Variants in HPCAL1 observed in about 807,000 individuals in gnomAD.
The protein encoded by HPCAL1 is hippocalcin like 1, also known as hippocalcin-like protein 1.
HPCAL1 carries 8 observed loss-of-function variants against 17.1 expected under a neutral mutation model. The observed-to-expected ratio is 0.47, with a 90% CI of 0.27 to 0.84. The LOEUF is 0.84. Among genes scored for constraint, HPCAL1 ranks in the 40% least tolerant of loss-of-function variants. HPCAL1 has a pLI of 0.13. For synonymous variants in HPCAL1, 112 were observed against 111.4 expected (o/e 1.01, Z -0.03); for missense variants, 165 against 271.1 (o/e 0.61, Z 2.75).
intron 1 of HPCAL1, among the ~76,000 whole-genome samples, chr2:10,348,642 G>T (rs1665628981): frequency 6.6e-6 from 1 of 151,778 alleles, no homozygotes; most frequent in South Asian, 2.1e-4. Flanking sequence ...AGCCAGGCAG[G>T]GTGATGTGCA....
chr2:10,385,534 A>G (rs1259528351), intron 1 of HPCAL1, among the ~76,000 whole-genome samples: 1 of 151,952 alleles, frequency 6.6e-6, no homozygotes, highest in East Asian at 1.9e-4. Context: ...TTTTTCATCC[A>G]ATGTGCTGGG....
intron 3 of HPCAL1, among the ~76,000 whole-genome samples, chr2:10,420,519 C>A (rs986796414): frequency 6.6e-6 from 1 of 151,876 alleles, no homozygotes; most frequent in Non-Finnish European, 1.5e-5. Context: ...TATGTTCACT[C>A]GACATTGGGT....
intron 1 of HPCAL1, among the ~76,000 whole-genome samples, chr2:10,345,894 G>A (rs1421296933): frequency 2.6e-5 from 4 of 152,188 alleles, no homozygotes; most frequent in Non-Finnish European, 5.9e-5. Flanking sequence ...AAAGGGGCAA[G>A]GACTGCGAAC....
At chr2:10,413,065 A>G (rs1572851363) in intron 2 of HPCAL1, among the ~76,000 whole-genome samples, 1 of 152,260 alleles carries the variant, frequency 6.6e-6, no homozygotes, top group East Asian at 1.9e-4. Context: ...AGGTCTTGGC[A>G]TCAGACTTTG....
intron 1 of HPCAL1, among the ~76,000 whole-genome samples, chr2:10,320,055 G>A (rs1663573545): frequency 6.6e-6 from 1 of 152,062 alleles, no homozygotes; most frequent in Non-Finnish European, 1.5e-5. Context: ...CCCCTTTGCA[G>A]CTCCCAGTCT....
chr2:10,343,105 C>T lies in HPCAL1; in HGVS notation c.-111+39928C>T, dbSNP rs982223207. On this transcript the variant is annotated intron_variant, in intron 1 of 4. Coordinates refer to ENST00000307845, the MANE Select transcript of HPCAL1 (RefSeq NM_002149.4). This position sits in a 1 kb window ranked among gnomAD's most constrained non-coding sequence, Gnocchi z 4.8. ...GGCCCTGTGTGTTTCCAAGTGGGCC[C>T]GCAGCTCTGATGTGCAGTGGGTATG... Among the ~76,000 whole-genome samples, 1 of 152,136 alleles carries T rather than the reference C, an allele frequency of 6.6e-6. No individual in the cohort carries two copies. Among genetic ancestry groups the T allele is most frequent in the South Asian group, 2.1e-4 (1 of 4,828 alleles).
chr2:10,355,230 T>A (rs1487621680), intron 1 of HPCAL1, among the ~76,000 whole-genome samples: 1 of 151,622 alleles, frequency 6.6e-6, no homozygotes, highest in Admixed American at 6.6e-5. Flanking sequence ...GGCGGGCGGA[T>A]CACGAGGTCA....
chr2:10,375,787 A>G (rs762772371), intron 1 of HPCAL1, among the ~76,000 whole-genome samples: 8 of 152,244 alleles, frequency 5.3e-5, no homozygotes, highest in Non-Finnish European at 1.0e-4. Flanking sequence ...GTAGGCACTC[A>G]GCAGGTGCTG....
At chr2:10,340,493 A>G (rs1665008788) in intron 1 of HPCAL1, among the ~76,000 whole-genome samples, 1 of 152,210 alleles carries the variant, frequency 6.6e-6, no homozygotes, top group Non-Finnish European at 1.5e-5. Flanking sequence ...TAGTAGGAAT[A>G]GGTAGCTTTG....
At position 10,310,493 on chromosome 2, in the gene HPCAL1, G is replaced by A. The variant is rs998397480; in HGVS notation, c.-111+7316G>A. Among the ~76,000 whole-genome samples the A allele has an allele frequency of 3.2e-4, 49 of 152,256 alleles. 1 individual carries two copies. The highest frequency in any genetic ancestry group is 1.1e-3 in the African/African-American group (46 of 41,544). On this transcript the variant is annotated intron_variant, in intron 1 of 4. Coordinates refer to ENST00000307845, the MANE Select transcript of HPCAL1 (RefSeq NM_002149.4). The surrounding 1 kb of genome is among the most constrained non-coding windows in gnomAD (Gnocchi z 4.5). Reference sequence around the variant, plus strand: ...GACTGCTGTGCGTGTGGAGGCTTCCGGAAGGCAGCCAGTGCTGGTTACTGC... The same window carrying A: ...GACTGCTGTGCGTGTGGAGGCTTCCAGAAGGCAGCCAGTGCTGGTTACTGC...
intron 2 of HPCAL1, among the ~76,000 whole-genome samples, chr2:10,405,505 C>T (rs1351985280): frequency 6.6e-6 from 1 of 152,224 alleles, no homozygotes; most frequent in Non-Finnish European, 1.5e-5. Context: ...TTTGCTCCCG[C>T]TAGGGTGAAA....
chr2:10,358,136 C>A (rs1037453428), intron 1 of HPCAL1, among the ~76,000 whole-genome samples: 2 of 152,232 alleles, frequency 1.3e-5, no homozygotes, highest in African/African-American at 2.4e-5. Context: ...TGGCTAAAAT[C>A]GTGGCCGATG....
chr2:10,303,737 C>T (rs118106332), intron 1 of HPCAL1: 5,629 of 152,336 alleles, frequency 0.037, 140 homozygotes, highest in East Asian at 0.11. Context: ...CGGAGGCGAT[C>T]CGCTCGTTCC....
In HPCAL1 at chr2:10,418,253, T is replaced by C. The variant is rs924101256; in HGVS notation, c.-24-1481T>C. The stretch of plus-strand genomic sequence containing the variant: ...CCAACATAGTGTGAAACCCTGTCTC[T>C]ACTAAAAATACATAAATAAATAAAT... On this transcript the variant is annotated intron_variant, in intron 2 of 4. Transcript: ENST00000307845. Among the ~76,000 whole-genome samples the C allele has an allele frequency of 2.0e-5, 3 of 148,008 alleles. No homozygotes were observed. In the South Asian group the frequency reaches 6.7e-4, roughly 33 times the overall value.
intron 1 of HPCAL1, among the ~76,000 whole-genome samples, chr2:10,346,695 G>A (rs1283321950): frequency 4.6e-5 from 7 of 152,254 alleles, no homozygotes; most frequent in Admixed American, 3.9e-4. Context: ...GCAGGCGTTG[G>A]CATCATCAAA....
chr2:10,318,557 G>T (rs1235666966), intron 1 of HPCAL1, among the ~76,000 whole-genome samples: 10 of 152,198 alleles, frequency 6.6e-5, no homozygotes, highest in Non-Finnish European at 1.0e-4. Context: ...CCGGACATTG[G>T]CGATGTGAGG....
At chr2:10,396,280 G>A (rs966533819) in intron 1 of HPCAL1, among the ~76,000 whole-genome samples, 1 of 152,186 alleles carries the variant, frequency 6.6e-6, no homozygotes, top group East Asian at 1.9e-4. Context: ...GGAGGAGGTC[G>A]GGTGATGAGG....
intron 4 of HPCAL1, chr2:10,424,628 T>G: frequency 2.1e-6 from 1 of 470,958 alleles, no homozygotes; most frequent in Non-Finnish European, 4.4e-6. Context: ...GTTGGGAATT[T>G]GGATGGCATG....
Position 10,367,245 on chromosome 2 carries a change from C to T in HPCAL1, c.-110-29590C>T, listed in dbSNP as rs959185459. 5.9e-5 allele frequency among the ~76,000 whole-genome samples: 9 copies of T among 151,848 alleles called. No individual in the cohort carries two copies. The highest frequency in any genetic ancestry group is 9.7e-5 in the African/African-American group (4 of 41,296). ...AGTTAGATATTTAATATACAGATGACGGGCGGATGGTAGTGTTGTTTTAAG... is the reference window on the plus strand; with the variant it reads ...AGTTAGATATTTAATATACAGATGATGGGCGGATGGTAGTGTTGTTTTAAG... On this transcript the variant is annotated intron_variant, in intron 1 of 4. Coordinates refer to ENST00000307845, the MANE Select transcript of HPCAL1 (RefSeq NM_002149.4). The surrounding 1 kb of genome is among the most constrained non-coding windows in gnomAD (Gnocchi z 4.4).
Sources: gnomAD v4.1 joint callset for allele counts (sites outside exome capture counted in the v4.1 genomes callset) on GRCh38, gnomAD v4.1.1 for gene constraint, Gnocchi (gnomAD v3.1) non-coding constraint, MANE v1.5 for transcripts, NCBI Gene and HGNC (gene_info 2026-07-23, HGNC 2026-07-21) for gene names.